MLANA: variants seen among roughly 807,000 people sequenced by gnomAD.
MLANA encodes the protein melanoma antigen recognized by T-cells 1.
Under a neutral mutation model 15.7 loss-of-function variants are expected in MLANA, and 21 were observed. That is an observed-to-expected ratio of 1.33 (90% CI 0.95 to 1.92). The LOEUF (loss-of-function observed/expected upper bound fraction) is 1.92. Ranked by LOEUF, MLANA falls within the 40% of genes most tolerant of loss-of-function variation. The probability of loss-of-function intolerance (pLI) is 0.00; values close to 1 mark genes in which losing one functional copy is unlikely to be tolerated. For missense variants in MLANA, 164 were observed against 143.8 expected (o/e 1.14, Z -0.72); for synonymous variants, 56 against 51.5 (o/e 1.09, Z -0.37).
At chr9:5,899,584 GT>G (rs1220592783) in intron 3 of MLANA, among the ~76,000 whole-genome samples, 2 of 152,180 alleles carry the variant, frequency 1.3e-5, no homozygotes, top group Non-Finnish European at 2.9e-5. Flanking sequence ...GGGTTAGAAA[GT>G]TAGGGATAGA....
At chr9:5,892,291 AAT>A (rs2129879693) in intron 1 of MLANA, among the ~76,000 whole-genome samples, 157 bp from the exon 2 acceptor site, 1 of 152,354 alleles carries the variant, frequency 6.6e-6, no homozygotes, top group African/African-American at 2.4e-5. Context: ...CCTTGATATG[AAT>A]GAAAGAAGCA....
chr9:5,906,472 T>A (rs1832823720), intron 3 of MLANA, among the ~76,000 whole-genome samples: 1 of 152,262 alleles, frequency 6.6e-6, no homozygotes, highest in African/African-American at 2.4e-5. Context: ...ACTTCAAAAG[T>A]TTCCTGCAAG....
rs896929677 is a variant in MLANA at position 5,909,755 on chromosome 9, CT to C, written c.*1048del. ...CTTAAATGTACCTATGGCAATTTAG[CT>C]CTCTTGGGTTCCCAAATCCCTCTCA... On this transcript the variant is annotated 3_prime_UTR_variant, in exon 5 of 5. Coordinates refer to ENST00000381477, the MANE Select transcript of MLANA (RefSeq NM_005511.2). 2.6e-5 allele frequency: 4 copies of C among 152,188 alleles called. No individual in the cohort carries two copies. The highest frequency in any genetic ancestry group is 2.9e-5 in the Non-Finnish European group (2 of 68,038). The allele number at this position is 152,188 out of a possible 1,614,324, so 9.4% of individuals were successfully genotyped here.
At chr9:5,900,614 T>A (rs1464175219) in intron 3 of MLANA, among the ~76,000 whole-genome samples, 1 of 152,182 alleles carries the variant, frequency 6.6e-6, no homozygotes, top group South Asian at 2.1e-4. Context: ...CCTTTAACAA[T>A]CTTCATTAAG....
rs1275791989 is a variant in MLANA at position 5,908,683 on chromosome 9, A to C, written c.332A>C (p.Gln111Pro). Residue 111 changes from glutamine (Q) to proline (P), a missense_variant, in exon 5 of 5, where the codon CAG (glutamine) becomes CCG (proline). Physicochemically the swap from Gln to Pro is moderately conservative, Grantham distance 76. Transcript: ENST00000381477. Reference protein sequence around the residue: ...PPAYEKLSAEQSPPPYSP With the variant: ...PPAYEKLSAEPSPPPYSP ...GCTTATGAGAAACTCTCTGCAGAAC[A>C]GTCACCACCACCTTATTCACCTTAA... 1 of 1,614,150 alleles carries C rather than the reference A, an allele frequency of 6.2e-7. No individual in the cohort carries two copies. The highest frequency in any genetic ancestry group is 8.5e-7 in the Non-Finnish European group (1 of 1,179,996).
At chr9:5,901,932 A>AT in intron 3 of MLANA, among the ~76,000 whole-genome samples, 1 of 151,936 alleles carries the variant, frequency 6.6e-6, no homozygotes, top group East Asian at 1.9e-4. Flanking sequence ...TTTTGTTGAG[A>AT]TTTTTTGCAT....
At chr9:5,907,591 G>T (rs1832900946) in intron 4 of MLANA, among the ~76,000 whole-genome samples, 1 of 152,122 alleles carries the variant, frequency 6.6e-6, no homozygotes, top group Admixed American at 6.5e-5. Flanking sequence ...GAAAATATTA[G>T]GTTAAACAAA....
intron 3 of MLANA, among the ~76,000 whole-genome samples, chr9:5,901,231 T>G (rs992380117): frequency 9.9e-5 from 15 of 152,198 alleles, no homozygotes; most frequent in African/African-American, 3.6e-4. Context: ...GTTTATTGCA[T>G]TAGTTATTTG....
At chr9:5,897,911 T>C (rs916133109) in intron 3 of MLANA, among the ~76,000 whole-genome samples, 3 of 152,194 alleles carry the variant, frequency 2.0e-5, no homozygotes, top group Admixed American at 1.3e-4. Flanking sequence ...AATTTATAAA[T>C]AAATGAAATT....
chr9:5,890,978 C>T (rs547919747), intron 1 of MLANA, 42 bp downstream of exon 1: 1 of 152,148 alleles, frequency 6.6e-6, no homozygotes, highest in African/African-American at 2.4e-5. Context: ...GTCCTCTTCT[C>T]CCAGAATAGG....
intron 3 of MLANA, among the ~76,000 whole-genome samples, chr9:5,903,330 T>C (rs537292085): frequency 1.5e-4 from 23 of 152,368 alleles, no homozygotes; most frequent in African/African-American, 5.3e-4. Context: ...ATGTCTATTA[T>C]ATCTAGTTAA....
chr9:5,905,176 G>A (rs557472704), intron 3 of MLANA, among the ~76,000 whole-genome samples: 18 of 152,132 alleles, frequency 1.2e-4, no homozygotes, highest in African/African-American at 3.9e-4. Flanking sequence ...CCATTTCATA[G>A]GCATTATGAG....
At chr9:5,902,928 C>G (rs1271004780) in intron 3 of MLANA, among the ~76,000 whole-genome samples, 4 of 152,178 alleles carry the variant, frequency 2.6e-5, no homozygotes, top group African/African-American at 9.7e-5. Flanking sequence ...GATTTTAGAT[C>G]TTTCTTCTTC....
In MLANA at chr9:5,906,932, C is replaced by G. The variant is rs1340395435; in HGVS notation, c.222C>G (p.Cys74Trp). ...VGTQCALTRR[C>W]PQEGFDHRDS... ...CTCAATGTGCCTTAACAAGAAGATG[C>G]CCACAAGAAGGGTTTGATCATCGGG... Residue 74 changes from cysteine to tryptophan, a missense_variant, in exon 4 of 5, where the codon TGC becomes TGG. By Grantham distance (215) the Cys-to-Trp change is radical. Transcript: ENST00000381477. 6.3e-7 allele frequency: 1 copy of G among 1,595,512 alleles called. No homozygotes were observed.
At chr9:5,897,801 A>T (rs1312064436) in intron 3 of MLANA, 148 bp downstream of exon 3, 2 of 715,116 alleles carry the variant, frequency 2.8e-6, no homozygotes, top group East Asian at 5.3e-5. Flanking sequence ...GCTACATTGT[A>T]CTTTGGCAAC....
Position 5,909,161 on chromosome 9 carries a change from AG to A in MLANA, c.*456del, listed in dbSNP as rs199693682. On this transcript the variant is annotated 3_prime_UTR_variant, in exon 5 of 5. Coordinates refer to ENST00000381477, the MANE Select transcript of MLANA (RefSeq NM_005511.2). ...AGGATACTTTTACAGGTTAAGACAA[AG>A]GGTTGACTGGCCTATTTATCTGATC... The A allele has an allele frequency of 8.3e-3, 1,301 of 157,218 alleles. 7 individuals are homozygous for A. The highest frequency in any genetic ancestry group is 0.013 in the Non-Finnish European group (922 of 71,360). The allele number at this position is 157,218 out of a possible 1,614,324, so 9.7% of individuals were successfully genotyped here.
rs144021508 is a variant in MLANA, at chr9:5,893,248, C to G, written c.77+697C>G. Among the ~76,000 whole-genome samples the G allele has an allele frequency of 1.7e-3, 255 of 152,274 alleles. 3 individuals carry two copies. The highest frequency in any genetic ancestry group is 5.9e-3 in the African/African-American group (245 of 41,564). On this transcript the variant is annotated intron_variant, in intron 2 of 4. Transcript: ENST00000381477. Reference sequence around the variant, plus strand: ...AACCCAGAGGCTGCAGGGACATACTCTGTATGTGCTGGGAGTGGGAAAGGG... The same window carrying G: ...AACCCAGAGGCTGCAGGGACATACTGTGTATGTGCTGGGAGTGGGAAAGGG...
intron 3 of MLANA, among the ~76,000 whole-genome samples, chr9:5,903,105 T>A (rs919566702): frequency 7.0e-6 from 1 of 143,884 alleles, no homozygotes; most frequent in East Asian, 1.9e-4. Flanking sequence ...AGAAGTGTGT[T>A]GTTTAATCTC....
intron 3 of MLANA, chr9:5,898,022 G>C (rs951309540): frequency 2.5e-5 from 5 of 203,760 alleles, no homozygotes; most frequent in African/African-American, 9.1e-5. Context: ...GCATCACATG[G>C]GCAAGGGAGT....
Sources: gnomAD v4.1 joint callset for allele counts (sites outside exome capture counted in the v4.1 genomes callset) on GRCh38, gnomAD v4.1.1 for gene constraint, MANE v1.5 for transcripts, NCBI Gene and HGNC (gene_info 2026-07-23, HGNC 2026-07-21) for gene names.